Variants in GSE1 observed in about 807,000 individuals in gnomAD.
GSE1 encodes the protein genetic suppressor element 1.
A neutral mutation model predicts 112.6 loss-of-function variants in GSE1; 32 were observed. The observed-to-expected ratio is 0.28, with a 90% CI of 0.21 to 0.38. GSE1 has a LOEUF of 0.38. Ranked by LOEUF, GSE1 falls within the 10% of genes least tolerant of loss-of-function variation. The pLI is 1.00. For synonymous variants in GSE1, 1,115 were observed against 735.6 expected, an observed-to-expected ratio of 1.52 and a Z score of -8.35; for missense variants, 2,348 against 1,699.2, an observed-to-expected ratio of 1.38 and a Z score of -6.71.
chr16:85,588,759 G>A (rs539148922), intron 1 of GSE1, among the ~76,000 whole-genome samples: 9 of 152,314 alleles, frequency 5.9e-5, no homozygotes, highest in Admixed American at 5.2e-4. Flanking sequence ...CTTTCCTGGA[G>A]GGAGGGGGGC....
At chr16:85,249,672 C>T (rs1183040378) in intron 1 of GSE1, among the ~76,000 whole-genome samples, 1 of 152,178 alleles carries the variant, frequency 6.6e-6, no homozygotes, top group Admixed American at 6.5e-5. Flanking sequence ...CAGGCCTGGT[C>T]CTGGGGCTCC....
chr16:85,383,546 T>TCTCTCTCTCTCTCTCC (rs1567725187), intron 2 of GSE1, among the ~76,000 whole-genome samples: 4 of 15,698 alleles, frequency 2.5e-4, no homozygotes, highest in East Asian at 2.9e-3. Flanking sequence ...TCTCTCTCTC[T>TCTCTCTCTCTCTCTCC]CTCTCTCTCT....
chr16:85,630,926 G>A (rs2049488008), intron 1 of GSE1, among the ~76,000 whole-genome samples: 1 of 152,122 alleles, frequency 6.6e-6, no homozygotes, highest in South Asian at 2.1e-4. Context: ...CAGCTGCTGT[G>A]GCCTCTCCTG....
At chr16:85,484,856 G>T (rs1251718166) in intron 2 of GSE1, among the ~76,000 whole-genome samples, 1 of 152,230 alleles carries the variant, frequency 6.6e-6, no homozygotes, top group South Asian at 2.1e-4. Flanking sequence ...CCCGTTTCCA[G>T]TTCACGGTCT....
chr16:85,174,994 G>A (rs1411979680), intron 1 of GSE1, among the ~76,000 whole-genome samples: 1 of 152,224 alleles, frequency 6.6e-6, no homozygotes, highest in Non-Finnish European at 1.5e-5. Flanking sequence ...AAGCCACTCA[G>A]CTGGGGACGT....
chr16:85,203,275 G>A (rs1431143935), intron 1 of GSE1, among the ~76,000 whole-genome samples: 2 of 152,162 alleles, frequency 1.3e-5, no homozygotes, highest in African/African-American at 2.4e-5. Flanking sequence ...CAACAGCTTC[G>A]CAGGGCATAG....
At chr16:85,465,938 A>C (rs918615074) in intron 2 of GSE1, among the ~76,000 whole-genome samples, 2 of 152,112 alleles carry the variant, frequency 1.3e-5, no homozygotes, top group African/African-American at 4.8e-5. Context: ...TCTAATGATT[A>C]GTGGAGTCAC....
intron 1 of GSE1, among the ~76,000 whole-genome samples, chr16:85,347,014 G>A (rs1182718514): frequency 6.6e-6 from 1 of 152,174 alleles, no homozygotes; most frequent in Non-Finnish European, 1.5e-5. Context: ...AAATAACGTG[G>A]CTCTTAGATG....
chr16:85,235,473 G>A (rs1158254134), intron 1 of GSE1, among the ~76,000 whole-genome samples: 1 of 102,654 alleles, frequency 9.7e-6, no homozygotes, highest in Non-Finnish European at 2.2e-5. Flanking sequence ...TGTGTGTGTA[G>A]GGGGTGTGTT....
chr16:85,235,428 CTGTGTGTGTGTGTGTGTGTGTGTGTG>C (rs60860144), intron 1 of GSE1, among the ~76,000 whole-genome samples: 1 of 126,318 alleles, frequency 7.9e-6, no homozygotes, highest in Admixed American at 7.4e-5. Flanking sequence ...TGGAAGGGTA[CTGTGTGTGTGTGTGTGTGTGTGTGTG>C]TGTGTGTGTG....
chr16:85,242,473 G>T (rs981249111), intron 1 of GSE1, among the ~76,000 whole-genome samples: 6 of 152,258 alleles, frequency 3.9e-5, no homozygotes, highest in Admixed American at 3.3e-4. Flanking sequence ...GCAGGGCAGG[G>T]CCTGTGCTCG....
At chr16:85,529,399 A>AT (rs1338081643) in intron 2 of GSE1, among the ~76,000 whole-genome samples, 1 of 152,172 alleles carries the variant, frequency 6.6e-6, no homozygotes, top group Non-Finnish European at 1.5e-5. Context: ...TATTTTATTT[A>AT]TTTTTTTAAG....
chr16:85,349,877 G>A (rs1334497308), intron 1 of GSE1, among the ~76,000 whole-genome samples: 4 of 152,306 alleles, frequency 2.6e-5, no homozygotes, highest in East Asian at 1.9e-4. Flanking sequence ...CCCAGAGTGC[G>A]GCCTGGGTTG....
chr16:85,269,517 G>A (rs1253366931), intron 1 of GSE1, among the ~76,000 whole-genome samples: 4 of 149,452 alleles, frequency 2.7e-5, no homozygotes, highest in Non-Finnish European at 6.0e-5. Flanking sequence ...ACTCTTTCCT[G>A]TTAGGGAAAT....
chr16:85,373,975 CTGCATG>C lies in GSE1; in HGVS notation c.2464+16336_2464+16341del, dbSNP rs1437494026. Among the ~76,000 whole-genome samples the C allele has an allele frequency of 6.6e-6, 1 of 152,246 alleles. No homozygotes were observed. Among genetic ancestry groups the C allele is most frequent in the Non-Finnish European group, 1.5e-5 (1 of 68,042 alleles). On this transcript the variant is annotated intron_variant, in intron 2 of 2. Transcript: ENST00000637419. The surrounding 1 kb of genome is among the most constrained non-coding windows in gnomAD (Gnocchi z 5.1). ...CGCCTTATCCATCGCCCCACGGTGG[CTGCATG>C]TGCGTATGTGTGTGGGTGTCCACAT...
chr16:85,350,459 G>A (rs2151558495), intron 1 of GSE1, among the ~76,000 whole-genome samples: 1 of 152,240 alleles, frequency 6.6e-6, no homozygotes, highest in East Asian at 1.9e-4. Context: ...ACTGTCATGG[G>A]GCTCCAGGCC....
chr16:85,407,320 T>C (rs866764581), intron 2 of GSE1, among the ~76,000 whole-genome samples: 71 of 16,718 alleles, frequency 4.2e-3, no homozygotes, highest in Non-Finnish European at 4.3e-3. Flanking sequence ...TAATCCTCAC[T>C]GTTACTCTCA....
chr16:85,491,719 G>A (rs537583217), intron 2 of GSE1, among the ~76,000 whole-genome samples: 2 of 151,550 alleles, frequency 1.3e-5, no homozygotes, highest in African/African-American at 4.9e-5. Flanking sequence ...CTGGTACCCC[G>A]AGTCCTCCTG....
intron 2 of GSE1, among the ~76,000 whole-genome samples, chr16:85,391,042 G>T (rs1419729529): frequency 6.6e-6 from 1 of 151,726 alleles, no homozygotes; most frequent in Non-Finnish European, 1.5e-5. Flanking sequence ...AGCCTCCTTG[G>T]CTGGGGCTGC....
Sources: allele counts gnomAD v4.1 joint callset (sites outside exome capture counted in the v4.1 genomes callset), GRCh38; gene constraint gnomAD v4.1.1; non-coding constraint Gnocchi (gnomAD v3.1); transcripts MANE v1.5; gene names NCBI Gene and HGNC (gene_info 2026-07-23, HGNC 2026-07-21).